LRCH1: variants seen among roughly 807,000 people sequenced by gnomAD.
LRCH1 encodes the protein leucine-rich repeat and calponin homology domain-containing protein 1.
In LRCH1, 23 loss-of-function variants were observed where a neutral mutation model predicts 94.9. The observed-to-expected ratio is 0.24, with a 90% confidence interval of 0.17 to 0.34. The LOEUF is 0.34. Ranked by LOEUF, LRCH1 falls within the 10% of genes least tolerant of loss-of-function variation. LRCH1 has a pLI of 1.00. For synonymous variants in LRCH1, 364 were observed against 354.9 expected (o/e 1.03, Z -0.29); for missense variants, 790 against 945.9 (o/e 0.84, Z 2.16).
intron 1 of LRCH1, among the ~76,000 whole-genome samples, chr13:46,562,154 C>T (rs2050136254): frequency 1.3e-5 from 2 of 152,154 alleles, no homozygotes; most frequent in Admixed American, 1.3e-4. Context: ...CTGAAGTTAT[C>T]CCCTACTTGT....
chr13:46,698,419 T>G (rs17068647), intron 9 of LRCH1, among the ~76,000 whole-genome samples: 2,165 of 152,294 alleles, frequency 0.014, 50 homozygotes, highest in African/African-American at 0.045. Flanking sequence ...ACTTTCCAAA[T>G]AGCCAGTGTC....
intron 14 of LRCH1, 105 bp downstream of exon 14, chr13:46,711,949 T>C (rs989283262): frequency 1.2e-6 from 1 of 845,670 alleles, no homozygotes; most frequent in African/African-American, 1.7e-5. Flanking sequence ...AATTAATTAA[T>C]TGAGTCTTTG....
downstream of LRCH1, among the ~76,000 whole-genome samples, chr13:46,748,001 CA>C (rs1873979379): frequency 6.6e-6 from 1 of 152,176 alleles, no homozygotes; most frequent in South Asian, 2.1e-4. Flanking sequence ...CTCAGCCTCC[CA>C]AAGTGCTTGG....
chr13:46,594,964 A>T (rs1336069046), intron 1 of LRCH1, among the ~76,000 whole-genome samples: 1 of 152,210 alleles, frequency 6.6e-6, no homozygotes, highest in Non-Finnish European at 1.5e-5. Flanking sequence ...AATGAACTTC[A>T]TCTAAAGAGT....
chr13:46,661,520 G>A (rs2051448243), intron 2 of LRCH1, among the ~76,000 whole-genome samples: 1 of 152,040 alleles, frequency 6.6e-6, no homozygotes, highest in African/African-American at 2.4e-5. Context: ...TAAAGTAAGT[G>A]GATTTTTTAG....
intron 10 of LRCH1, among the ~76,000 whole-genome samples, chr13:46,699,726 G>C (rs1871366689): frequency 6.6e-6 from 1 of 152,132 alleles, no homozygotes; most frequent in South Asian, 2.1e-4. Flanking sequence ...CAACAGCTGG[G>C]CCTGAAGTGA....
At chr13:46,615,388 C>T (rs2050795696) in intron 1 of LRCH1, among the ~76,000 whole-genome samples, 1 of 152,154 alleles carries the variant, frequency 6.6e-6, no homozygotes, top group Non-Finnish European at 1.5e-5. Context: ...AATAGGAACT[C>T]ACTTGCTATG....
At chr13:46,567,834 A>G (rs2050201214) in intron 1 of LRCH1, among the ~76,000 whole-genome samples, 1 of 152,174 alleles carries the variant, frequency 6.6e-6, no homozygotes, top group African/African-American at 2.4e-5. Flanking sequence ...TTGGTATCTC[A>G]ATATGAAATT....
chr13:46,556,890 CA>C (rs1240559406), intron 1 of LRCH1, among the ~76,000 whole-genome samples: 1 of 152,144 alleles, frequency 6.6e-6, no homozygotes, highest in East Asian at 1.9e-4. Flanking sequence ...ACTGGGGACA[CA>C]ACAGTGACCA....
intron 18 of LRCH1, 28 bp from the exon 19 acceptor site, chr13:46,733,893 T>C (rs2138237834): frequency 2.2e-6 from 3 of 1,392,518 alleles, no homozygotes; most frequent in Non-Finnish European, 1.0e-6. Context: ...TTAAATAATA[T>C]ATTATTTCCG....
At chr13:46,750,928 C>T (rs1480569535) in exon 19 of LRCH1, 1 of 254,942 alleles carries the variant, frequency 3.9e-6, no homozygotes, top group African/African-American at 2.2e-5. Flanking sequence ...CTCCTTCATC[C>T]TTTCCACACT....
chr13:46,668,917 T>A, intron 2 of LRCH1, 113 bp from the exon 3 acceptor site: 1 of 1,095,704 alleles, frequency 9.1e-7, no homozygotes, highest in Non-Finnish European at 1.3e-6. Flanking sequence ...TTCTTGTATT[T>A]GTAAAATGTC....
intron 1 of LRCH1, among the ~76,000 whole-genome samples, chr13:46,630,823 G>C (rs1435690361): frequency 6.6e-6 from 1 of 152,218 alleles, no homozygotes; most frequent in Non-Finnish European, 1.5e-5. Flanking sequence ...AAATAAACAA[G>C]GTGGGCAGTC....
chr13:46,600,775 A>G (rs1886965), intron 1 of LRCH1, among the ~76,000 whole-genome samples: 3,850 of 152,308 alleles, frequency 0.025, 160 homozygotes, highest in African/African-American at 0.088. Context: ...ACATTATTTC[A>G]TCATGCAGTT....
At chr13:46,694,784 T>C (rs1165244486) in intron 8 of LRCH1, 109 bp from the exon 9 acceptor site, 9 of 1,198,368 alleles carry the variant, frequency 7.5e-6, no homozygotes, top group Admixed American at 4.3e-5. Flanking sequence ...ACCTTCTTCA[T>C]AGGGAACACA....
chr13:46,616,415 A>AC (rs1232988474), intron 1 of LRCH1, among the ~76,000 whole-genome samples: 2 of 152,060 alleles, frequency 1.3e-5, no homozygotes, highest in East Asian at 3.9e-4. Flanking sequence ...ACCTGACAGC[A>AC]CCCCCAACCC....
Position 46,705,273 on chromosome 13 carries a change from A to G in LRCH1, c.1496A>G (p.Gln499Arg). 1 of 1,613,512 alleles carries G rather than the reference A, an allele frequency of 6.2e-7. No homozygotes were observed. Among genetic ancestry groups the G allele is most frequent in the Non-Finnish European group, 8.5e-7 (1 of 1,179,658 alleles). Residue 499 changes from glutamine (Q) to arginine (R), a missense_variant, in exon 13 of 20, where the codon CAA becomes CGA. Gln to Arg is a conservative substitution (Grantham distance 43). Coordinates refer to ENST00000389797, the MANE Select transcript of LRCH1 (RefSeq NM_001164211.2). ...TTCTTTCCTTGTTCTCACAGTGGTC[A>G]AATACAGCTGGAGACATCTCCGGTG... ...LELQDSALNG[Q>R]IQLETSPVCE... is the part of the protein sequence containing the mutation.
intron 1 of LRCH1, among the ~76,000 whole-genome samples, chr13:46,585,294 A>G (rs2050418387): frequency 6.6e-6 from 1 of 152,184 alleles, no homozygotes. Flanking sequence ...ATGCATTTCT[A>G]GAGCCGGGCG....
chr13:46,688,124 C>T, intron 6 of LRCH1, 145 bp downstream of exon 6: 1 of 715,296 alleles, frequency 1.4e-6, no homozygotes, highest in Non-Finnish European at 2.1e-6. Flanking sequence ...GGTTTAATCA[C>T]CTAATTTGTA....
Sources: allele counts gnomAD v4.1 joint callset (sites outside exome capture counted in the v4.1 genomes callset), GRCh38; gene constraint gnomAD v4.1.1; transcripts MANE v1.5; gene names NCBI Gene and HGNC (gene_info 2026-07-23, HGNC 2026-07-21).